ATL3: variants seen among roughly 807,000 people sequenced by gnomAD.
ATL3 encodes the protein atlastin-3.
A neutral mutation model predicts 69.5 loss-of-function variants in ATL3; 49 were observed. The observed-to-expected ratio is 0.71, with a 90% CI of 0.56 to 0.89. ATL3 has a LOEUF of 0.89. ATL3 is among the 40% of genes least tolerant of loss of function. The pLI, the probability that ATL3 is intolerant of heterozygous loss-of-function variation, is 0.00. For missense variants in ATL3, 606 were observed against 645.7 expected (o/e 0.94, Z 0.67); for synonymous variants, 214 against 224.1 (o/e 0.95, Z 0.40).
At chr11:63,654,147 TTG>T (rs1224011251) in intron 3 of ATL3, among the ~76,000 whole-genome samples, 4 of 151,236 alleles carry the variant, frequency 2.6e-5, no homozygotes, top group African/African-American at 4.9e-5. Context: ...AAGATACAAT[TTG>T]TTTTTTTTTT....
chr11:63,630,267 A>G (rs567823579), intron 12 of ATL3, among the ~76,000 whole-genome samples: 1 of 150,722 alleles, frequency 6.6e-6, no homozygotes, highest in Non-Finnish European at 1.5e-5. Flanking sequence ...AAAAAAAAAA[A>G]TACAGAAATT....
chr11:63,635,995 T>TA (rs1301464863), intron 9 of ATL3, among the ~76,000 whole-genome samples: 3 of 150,458 alleles, frequency 2.0e-5, no homozygotes, highest in Non-Finnish European at 4.4e-5. Flanking sequence ...ATTGCTCCTC[T>TA]AAGAGAGTGC....
chr11:63,632,075 C>A (rs1377139066), intron 11 of ATL3, among the ~76,000 whole-genome samples: 1 of 152,128 alleles, frequency 6.6e-6, no homozygotes, highest in Non-Finnish European at 1.5e-5. Context: ...TCTTTGGGAC[C>A]CGAGGATTCC....
intron 8 of ATL3, among the ~76,000 whole-genome samples, chr11:63,641,991 A>T (rs1939715679): frequency 6.6e-6 from 1 of 152,198 alleles, no homozygotes. Context: ...CACATTCCCT[A>T]TCAGTGATGA....
At chr11:63,667,348 G>A (rs888744740) in intron 1 of ATL3, among the ~76,000 whole-genome samples, 6 of 141,752 alleles carry the variant, frequency 4.2e-5, no homozygotes, top group Non-Finnish European at 9.2e-5. Flanking sequence ...TTTTTTTTTT[G>A]AGACAGATTC....
At chr11:63,639,646 TGAG>T (rs1369245213) in intron 8 of ATL3, among the ~76,000 whole-genome samples, 1 of 151,986 alleles carries the variant, frequency 6.6e-6, no homozygotes, top group African/African-American at 2.4e-5. Context: ...TCCCAGCTAC[TGAG>T]GAGGCTAAGG....
Position 63,636,310 on chromosome 11 carries a change from T to C in ATL3, c.875A>G (p.Gln292Arg). The change falls in exon 9 of 13, where the codon CAG (glutamine) becomes CGG (arginine). Residue 292 changes from glutamine to arginine, a missense_variant. Gln to Arg is a conservative substitution (Grantham distance 43, BLOSUM62 1). Coordinates refer to ENST00000398868, the MANE Select transcript of ATL3 (RefSeq NM_015459.5). ...TACATACGGTATCAGTGCCTGTAAC[T>C]GCTCTTTGAATTCACCAGCAATATC... ...LKDIAGEFKE[Q>R]LQALIPYVLN... 2 of 1,614,172 alleles carry C rather than the reference T, an allele frequency of 1.2e-6. No individual in the cohort carries two copies. Among genetic ancestry groups the C allele is most frequent in the Non-Finnish European group, 1.7e-6 (2 of 1,180,026 alleles).
rs776571949 is a variant in ATL3, at chr11:63,636,230, G to A, written c.955C>T (p.Arg319Trp). Residue 319 changes from arginine to tryptophan, a missense_variant, in exon 9 of 13, where the codon CGG becomes TGG. Physicochemically the swap from Arg to Trp is moderately radical, Grantham distance 101 (BLOSUM62 -3). Transcript: ENST00000398868. Reference protein sequence around the residue: ...KEINGSKVTCRGLLEYFKAYI... With the variant: ...KEINGSKVTCWGLLEYFKAYI... ...ACCTTAAAATACTCCAGTAGTCCCC[G>A]ACAGGTGACCTTTGAGCCATTGATC... The A allele has an allele frequency of 6.8e-6, 11 of 1,613,958 alleles. No homozygotes were observed. The highest frequency in any genetic ancestry group is 1.3e-5 in the African/African-American group (1 of 74,988).
intron 1 of ATL3, 126 bp from the exon 2 acceptor site, chr11:63,659,378 G>T: frequency 2.7e-6 from 2 of 738,086 alleles, no homozygotes; most frequent in Non-Finnish European, 2.2e-6. Flanking sequence ...TATAATCACA[G>T]CACTTTGGGA....
At position 63,629,275 on chromosome 11, in the gene ATL3, A is replaced by C. The variant is rs1939223930; in HGVS notation, c.*44T>G. ...TGGCCGTGGCAGAAACCCAGAAATC[A>C]GTAGGGGCTTGTTGTGTTCTTGTTT... On this transcript the variant is annotated 3_prime_UTR_variant, in exon 13 of 13. Coordinates refer to ENST00000398868, the MANE Select transcript of ATL3 (RefSeq NM_015459.5). The C allele has an allele frequency of 1.3e-6, 2 of 1,528,698 alleles. No homozygotes were observed. Among genetic ancestry groups the C allele is most frequent in the Non-Finnish European group, 1.8e-6 (2 of 1,102,692 alleles). 94.7% of individuals were successfully genotyped at this position (1,528,698 alleles called of 1,614,324 possible). A position where few individuals can be genotyped will look rare whatever the true frequency, so the allele number is the denominator to read the frequency against.
In ATL3 at chr11:63,627,649, C is replaced by T. The variant is rs1939158929; in HGVS notation, c.*1670G>A. On this transcript the variant is annotated 3_prime_UTR_variant, in exon 13 of 13. Transcript: ENST00000398868. ...ATCTTAGAAATTAAGGCTTATATAC[C>T]TGAATGTTTATATAAATACTTGCAG... 1.3e-5 allele frequency: 2 copies of T among 151,992 alleles called. No homozygotes were observed. The highest frequency in any genetic ancestry group is 4.8e-5 in the African/African-American group (2 of 41,386). The allele number at this position is 151,992 out of a possible 1,614,324, so 9.4% of individuals were successfully genotyped here.
intron 3 of ATL3, among the ~76,000 whole-genome samples, chr11:63,656,431 T>C (rs564313619): frequency 6.6e-6 from 1 of 152,046 alleles, no homozygotes; most frequent in African/African-American, 2.4e-5. Context: ...AGTGTATTTC[T>C]TGTCAGAAAC....
intron 8 of ATL3, among the ~76,000 whole-genome samples, chr11:63,639,776 T>A (rs1011571228): frequency 1.3e-5 from 2 of 152,056 alleles, no homozygotes; most frequent in African/African-American, 4.8e-5. Context: ...AATAAATACA[T>A]ACATACATAC....
intron 1 of ATL3, among the ~76,000 whole-genome samples, chr11:63,664,404 G>A (rs1940513037): frequency 6.6e-6 from 1 of 151,622 alleles, no homozygotes; most frequent in Non-Finnish European, 1.5e-5. Flanking sequence ...GCTGGGCGTG[G>A]TGGTAGGCAC....
chr11:63,625,670 T>G lies in ATL3; in HGVS notation c.*3649A>C, dbSNP rs1277162683. On this transcript the variant is annotated 3_prime_UTR_variant, in exon 13 of 13. Coordinates refer to ENST00000398868, the MANE Select transcript of ATL3 (RefSeq NM_015459.5). ...TTTTTGTGTGTTTGACCAAAGCGCTTTACTTCATGTAAGAGAAAAAATAAA... is the reference window on the plus strand; with the variant it reads ...TTTTTGTGTGTTTGACCAAAGCGCTGTACTTCATGTAAGAGAAAAAATAAA... 3 of 152,186 alleles carry G rather than the reference T, an allele frequency of 2.0e-5. No individual in the cohort carries two copies. The highest frequency in any genetic ancestry group is 7.2e-5 in the African/African-American group (3 of 41,456). 9.4% of individuals were successfully genotyped at this position (152,186 alleles called of 1,614,324 possible).
chr11:63,669,624 T>C (rs1396246517), intron 1 of ATL3, among the ~76,000 whole-genome samples: 1 of 152,094 alleles, frequency 6.6e-6, no homozygotes, highest in African/African-American at 2.4e-5. Context: ...TGAATTCTAC[T>C]ACAATGAGGT....
rs956743740 is a variant in ATL3, at chr11:63,631,104, T to A, written c.1475A>T (p.Tyr492Phe). Residue 492 changes from tyrosine (Y) to phenylalanine (F), a missense_variant, in exon 12 of 13, where the codon TAT becomes TTT. Tyr to Phe is a conservative substitution (Grantham distance 22). Transcript: ENST00000398868. The part of the protein sequence containing the change: ...IALLTWGYIR[Y>F]SGQYRELGGA... Reference sequence around the variant, plus strand: ...GCCCAGCTCACGATATTGACCAGAATACCTGATGTAGCCCCAGGTGAGGAG... The same window carrying A: ...GCCCAGCTCACGATATTGACCAGAAAACCTGATGTAGCCCCAGGTGAGGAG... 6.8e-6 allele frequency: 11 copies of A among 1,614,182 alleles called. No individual in the cohort carries two copies. The highest frequency in any genetic ancestry group is 9.3e-6 in the Non-Finnish European group (11 of 1,180,036).
At chr11:63,646,638 T>C in intron 5 of ATL3, 75 bp from the exon 6 acceptor site, 1 of 969,732 alleles carries the variant, frequency 1.0e-6, no homozygotes, top group Non-Finnish European at 1.6e-6. Context: ...AGCAAAGTAT[T>C]CATTATATTT....
intron 3 of ATL3, among the ~76,000 whole-genome samples, chr11:63,657,767 T>C (rs1940301019): frequency 6.6e-6 from 1 of 152,098 alleles, no homozygotes; most frequent in Admixed American, 6.6e-5. Context: ...TGAAAAAAAA[T>C]TTCAGAAAAT....
Sources: gnomAD v4.1 joint callset for allele counts (sites outside exome capture counted in the v4.1 genomes callset) on GRCh38, gnomAD v4.1.1 for gene constraint, MANE v1.5 for transcripts, NCBI Gene and HGNC (gene_info 2026-07-23, HGNC 2026-07-21) for gene names.